MARCHF10: variants seen among roughly 807,000 people sequenced by gnomAD.
The protein encoded by MARCHF10 is probable E3 ubiquitin-protein ligase MARCHF10.
Under a neutral mutation model 76.2 loss-of-function variants are expected in MARCHF10, and 64 were observed. The ratio of observed to expected loss-of-function variants is 0.84; its 90% CI spans 0.69 to 1.03. The LOEUF (loss-of-function observed/expected upper bound fraction) is 1.03, where lower values mean the gene tolerates loss of function less well. Ranked by LOEUF, MARCHF10 falls within the 50% of genes least tolerant of loss-of-function variation. MARCHF10 has a pLI of 0.00. For missense variants in MARCHF10, 875 were observed against 958.0 expected, an observed-to-expected ratio of 0.91 and a Z score of 1.14; for synonymous variants, 340 against 357.5, an observed-to-expected ratio of 0.95 and a Z score of 0.55.
chr17:62,707,271 G>T (rs1179546728), intron 9 of MARCHF10, among the ~76,000 whole-genome samples: 2 of 152,096 alleles, frequency 1.3e-5, no homozygotes, highest in Non-Finnish European at 1.5e-5. Context: ...CCCACTCCCT[G>T]CCTGCACCTT....
chr17:62,780,486 G>A (rs549520110), intron 3 of MARCHF10, among the ~76,000 whole-genome samples: 1 of 152,304 alleles, frequency 6.6e-6, no homozygotes, highest in East Asian at 1.9e-4. Context: ...CTTCATTGAT[G>A]TGAACAGCAC....
chr17:62,762,345 CATTAAG>C (rs1190998152), intron 3 of MARCHF10, among the ~76,000 whole-genome samples: 9 of 152,190 alleles, frequency 5.9e-5, no homozygotes, highest in African/African-American at 2.2e-4. Context: ...AGGTAGTAAT[CATTAAG>C]AGTCTAGAAA....
At chr17:62,752,983 C>T (rs1360400907) in intron 4 of MARCHF10, among the ~76,000 whole-genome samples, 6 of 152,170 alleles carry the variant, frequency 3.9e-5, no homozygotes, top group African/African-American at 1.4e-4. Flanking sequence ...GATGCCCCGT[C>T]GCCTCCAGCA....
chr17:62,795,316 A>T (rs2092965501), intron 2 of MARCHF10, among the ~76,000 whole-genome samples: 1 of 147,662 alleles, frequency 6.8e-6, no homozygotes, highest in South Asian at 2.2e-4. Context: ...AGTGGACATT[A>T]ATGGCTAAAT....
intron 5 of MARCHF10, among the ~76,000 whole-genome samples, chr17:62,740,083 C>T (rs62075164): frequency 1.5e-3 from 210 of 143,996 alleles, no homozygotes; most frequent in African/African-American, 4.2e-3. Context: ...TGTGTGTGTG[C>T]GTGTGTGTGT....
intron 3 of MARCHF10, among the ~76,000 whole-genome samples, chr17:62,764,840 G>A (rs539776875): frequency 1.1e-4 from 16 of 152,308 alleles, no homozygotes; most frequent in Admixed American, 2.6e-4. Context: ...CCTCCTGTGC[G>A]TTCAAGACAA....
chr17:62,742,639 C>T (rs2091554184), intron 5 of MARCHF10, among the ~76,000 whole-genome samples: 1 of 152,002 alleles, frequency 6.6e-6, no homozygotes, highest in South Asian at 2.1e-4. Context: ...GGTCCAGGAA[C>T]ATTTCACACA....
At chr17:62,753,762 T>C (rs2147917089) in intron 4 of MARCHF10, among the ~76,000 whole-genome samples, 1 of 152,326 alleles carries the variant, frequency 6.6e-6, no homozygotes, top group Middle Eastern at 3.4e-3. Flanking sequence ...AGAACTTACC[T>C]TGGTCAGGGT....
chr17:62,768,396 T>C (rs1568183358), intron 3 of MARCHF10, among the ~76,000 whole-genome samples: 2 of 152,304 alleles, frequency 1.3e-5, no homozygotes, highest in East Asian at 3.9e-4. Flanking sequence ...CATGGGCACC[T>C]GTAGTCCCAG....
intron 2 of MARCHF10, chr17:62,795,099 C>T (rs1368185000): frequency 1.0e-6 from 1 of 980,724 alleles, no homozygotes; most frequent in Non-Finnish European, 1.2e-6. Context: ...TTCCAGCTCC[C>T]TGAGTGGACA....
intron 4 of MARCHF10, among the ~76,000 whole-genome samples, chr17:62,755,213 A>T (rs1381270232): frequency 1.3e-5 from 2 of 152,338 alleles, no homozygotes; most frequent in East Asian, 3.9e-4. Flanking sequence ...CTCCATCCAG[A>T]TCTGTCTTCC....
intron 3 of MARCHF10, among the ~76,000 whole-genome samples, chr17:62,788,174 T>G (rs2092776873): frequency 6.6e-6 from 1 of 152,154 alleles, no homozygotes; most frequent in South Asian, 2.1e-4. Flanking sequence ...AGTTGCAGCA[T>G]TTCTCATCTG....
At chr17:62,721,345 T>G (rs2090475370) in intron 8 of MARCHF10, among the ~76,000 whole-genome samples, 1 of 149,132 alleles carries the variant, frequency 6.7e-6, no homozygotes, top group Non-Finnish European at 1.5e-5. Flanking sequence ...TGTTTAAAAT[T>G]AGGTGATATA....
intron 9 of MARCHF10, among the ~76,000 whole-genome samples, chr17:62,709,173 T>G (rs1157607187): frequency 6.6e-6 from 1 of 152,116 alleles, no homozygotes; most frequent in Non-Finnish European, 1.5e-5. Context: ...TGACAAATGA[T>G]CACCACCATT....
At chr17:62,747,265 G>C (rs552822776) in intron 4 of MARCHF10, among the ~76,000 whole-genome samples, 6 of 152,228 alleles carry the variant, frequency 3.9e-5, no homozygotes, top group African/African-American at 1.4e-4. Context: ...TTTTTTTGTT[G>C]TGCAGAACGC....
At chr17:62,793,832 C>G (rs2092933641) in intron 2 of MARCHF10, among the ~76,000 whole-genome samples, 1 of 149,900 alleles carries the variant, frequency 6.7e-6, no homozygotes, top group Admixed American at 6.6e-5. Flanking sequence ...ACCTCCATCA[C>G]CACCAACACC....
chr17:62,751,333 C>T lies in MARCHF10; in HGVS notation c.383-6805G>A, dbSNP rs370675477. ...GACGGGTGTTTTTTCTAGCCTTGCT[C>T]CTTCAAAGGTGGTTCACAGACCAGC... On this transcript the variant is annotated intron_variant, in intron 4 of 10. Transcript: ENST00000311269. Among the ~76,000 whole-genome samples, 5 of 152,134 alleles carry T rather than the reference C, an allele frequency of 3.3e-5. No homozygotes were observed. The East Asian group carries it at 5.8e-4, about 18-fold the overall frequency.
intron 2 of MARCHF10, among the ~76,000 whole-genome samples, chr17:62,797,737 G>A (rs1005779754): frequency 6.6e-5 from 10 of 152,086 alleles, no homozygotes; most frequent in African/African-American, 2.4e-4. Context: ...CAATGGTATC[G>A]CCACATTTAC....
intron 3 of MARCHF10, among the ~76,000 whole-genome samples, chr17:62,773,668 C>G (rs1043466081): frequency 6.6e-6 from 1 of 151,834 alleles, no homozygotes; most frequent in Non-Finnish European, 1.5e-5. Context: ...GTGGAGAGGG[C>G]GGTGATGGTG....
Sources: gnomAD v4.1 joint callset for allele counts (sites outside exome capture counted in the v4.1 genomes callset) on GRCh38, gnomAD v4.1.1 for gene constraint, MANE v1.5 for transcripts, NCBI Gene and HGNC (gene_info 2026-07-23, HGNC 2026-07-21) for gene names.